FAT3: variants seen among roughly 807,000 people sequenced by gnomAD.
FAT3 encodes FAT atypical cadherin 3, also known as protocadherin Fat 3.
A neutral mutation model predicts 310.2 loss-of-function variants in FAT3; 95 were observed. The ratio of observed to expected loss-of-function variants is 0.31; its 90% confidence interval spans 0.26 to 0.36. The LOEUF is 0.36. Among genes scored for constraint, FAT3 ranks in the 10% least tolerant of loss-of-function variants. The probability of loss-of-function intolerance (pLI) is 1.00; values close to 1 mark genes in which losing one functional copy is unlikely to be tolerated. For missense variants in FAT3, 5,408 were observed against 5,715.6 expected, an observed-to-expected ratio of 0.95 and a Z score of 1.74; for synonymous variants, 2,314 against 2,192.9, an observed-to-expected ratio of 1.06 and a Z score of -1.54.
intron 3 of FAT3, among the ~76,000 whole-genome samples, chr11:92,563,690 C>T (rs972810672): frequency 2.0e-5 from 3 of 151,994 alleles, no homozygotes; most frequent in South Asian, 2.1e-4. Flanking sequence ...GCAGATCTCT[C>T]GGCAGAAACT....
At chr11:92,681,711 T>G (rs2135858991) in intron 3 of FAT3, among the ~76,000 whole-genome samples, 1 of 152,318 alleles carries the variant, frequency 6.6e-6, no homozygotes, top group Non-Finnish European at 1.5e-5. Context: ...TGAATCCCTT[T>G]AGGGTCTCCT....
chr11:92,257,724 C>G (rs1200722881), intron 1 of FAT3, among the ~76,000 whole-genome samples: 1 of 152,062 alleles, frequency 6.6e-6, no homozygotes, highest in Admixed American at 6.6e-5. Flanking sequence ...CTCGATTTGT[C>G]CCTTTTAAGT....
chr11:92,369,473 A>T (rs1949124387), intron 2 of FAT3, among the ~76,000 whole-genome samples: 8 of 152,172 alleles, frequency 5.3e-5, no homozygotes, highest in Admixed American at 5.2e-4. Flanking sequence ...ACATAGACCA[A>T]GTTTGTATGT....
At chr11:92,511,569 A>G (rs1256177727) in intron 2 of FAT3, among the ~76,000 whole-genome samples, 1 of 152,160 alleles carries the variant, frequency 6.6e-6, no homozygotes, top group East Asian at 1.9e-4. Flanking sequence ...GTTTCTTACT[A>G]GTGGGGAGCT....
chr11:92,819,724 A>G (rs1028985316), intron 13 of FAT3, among the ~76,000 whole-genome samples: 6 of 152,240 alleles, frequency 3.9e-5, no homozygotes, highest in Non-Finnish European at 8.8e-5. Flanking sequence ...CAGTAGGTCT[A>G]ATAACTCCCA....
At position 92,353,997 on chromosome 11, in the gene FAT3, G is replaced by A. The variant is rs1266486504; in HGVS notation, c.1885G>A (p.Asp629Asn). ...NELGFFYLNP[D>N]SGVLQLKKSL... ...ACTTGGCTTCTTTTATTTAAACCCA[G>A]ATTCTGGTGTTTTACAGCTTAAAAA... is the stretch of plus-strand genomic sequence containing the variant. The change falls in exon 2 of 28, where the codon GAT becomes AAT. Residue 629 changes from aspartate to asparagine, a missense_variant. Transcript: ENST00000525166. 13 of 1,612,938 alleles carry A rather than the reference G, an allele frequency of 8.1e-6. No individual in the cohort carries two copies. The highest frequency in any genetic ancestry group is 3.3e-5 in the Admixed American group (2 of 59,744).
intron 14 of FAT3, 144 bp downstream of exon 14, chr11:92,832,155 A>T: frequency 1.1e-6 from 1 of 945,062 alleles, no homozygotes; most frequent in Non-Finnish European, 1.5e-6. Context: ...ACAGAGTGAG[A>T]CCCTGTCTCT....
At chr11:92,303,769 A>G (rs765677478) in intron 1 of FAT3, among the ~76,000 whole-genome samples, 43 of 152,252 alleles carry the variant, frequency 2.8e-4, no homozygotes, top group Non-Finnish European at 4.4e-4. Flanking sequence ...CAATGGTGTT[A>G]TAAAAGAGGT....
At chr11:92,628,726 A>G (rs1340169480) in intron 3 of FAT3, among the ~76,000 whole-genome samples, 7 of 152,216 alleles carry the variant, frequency 4.6e-5, no homozygotes, top group African/African-American at 7.2e-5. Flanking sequence ...CTTTTTGCTT[A>G]TCCTTCCCAT....
rs544287400 is a variant in FAT3, at chr11:92,835,010, C to T, written c.10012C>T (p.Pro3338Ser). ...CAACCTCACAGATGTTAATGACAAC[C>T]CTCCCAAGTTCAGCCAAGACGTCTA... ...NINLTDVNDN[P>S]PKFSQDVYSA... The change falls in exon 15 of 28, where the codon CCT (proline) becomes TCT (serine). Residue 3338 changes from proline to serine, a missense_variant. Transcript: ENST00000525166. 4 of 1,613,716 alleles carry T rather than the reference C, an allele frequency of 2.5e-6. No individual in the cohort carries two copies. The highest frequency in any genetic ancestry group is 1.7e-5 in the Admixed American group (1 of 59,998).
At chr11:92,815,764 C>G (rs922837841) in intron 13 of FAT3, among the ~76,000 whole-genome samples, 1 of 152,082 alleles carries the variant, frequency 6.6e-6, no homozygotes, top group Non-Finnish European at 1.5e-5. Flanking sequence ...AACAGTACCA[C>G]CTGGCATGGA....
chr11:92,364,761 C>T (rs544543407), intron 2 of FAT3, among the ~76,000 whole-genome samples: 1 of 152,266 alleles, frequency 6.6e-6, no homozygotes, highest in African/African-American at 2.4e-5. Flanking sequence ...TAATAGGACT[C>T]TCAAAATTTT....
At chr11:92,865,769 G>A (rs1197775568) in intron 21 of FAT3, among the ~76,000 whole-genome samples, 4 of 152,218 alleles carry the variant, frequency 2.6e-5, no homozygotes, top group Admixed American at 6.5e-5. Flanking sequence ...GCTCCATGGA[G>A]GGCCAATCCC....
chr11:92,822,264 G>A (rs972848699), intron 13 of FAT3, among the ~76,000 whole-genome samples: 3 of 151,550 alleles, frequency 2.0e-5, no homozygotes, highest in Non-Finnish European at 4.4e-5. Flanking sequence ...TGGTTCTTTC[G>A]CAGAAGCTCC....
chr11:92,843,146 T>C (rs1244261489), intron 18 of FAT3, among the ~76,000 whole-genome samples: 1 of 152,216 alleles, frequency 6.6e-6, no homozygotes, highest in Admixed American at 6.5e-5. Context: ...GTCTGTGTGA[T>C]GCCCAGGCAC....
chr11:92,887,242 C>T (rs1016474343), intron 25 of FAT3, 129 bp downstream of exon 25: 3 of 759,892 alleles, frequency 3.9e-6, no homozygotes, highest in Non-Finnish European at 6.4e-6. Context: ...AGCGTGTTCA[C>T]CAGGTCCCTG....
chr11:92,783,424 G>C (rs1020938114), intron 7 of FAT3, among the ~76,000 whole-genome samples: 1 of 147,586 alleles, frequency 6.8e-6, no homozygotes, highest in African/African-American at 2.5e-5. Context: ...TTAGGAAAAT[G>C]CTGGAACAAC....
At chr11:92,515,991 A>G (rs1248375952) in intron 2 of FAT3, among the ~76,000 whole-genome samples, 1 of 152,154 alleles carries the variant, frequency 6.6e-6, no homozygotes, top group Non-Finnish European at 1.5e-5. Flanking sequence ...TTGAGGCAGT[A>G]ATTAATAGCC....
chr11:92,384,907 G>GTT (rs1298628002), intron 2 of FAT3, among the ~76,000 whole-genome samples: 1 of 152,186 alleles, frequency 6.6e-6, no homozygotes, highest in African/African-American at 2.4e-5. Context: ...CGGAGCTGCT[G>GTT]TTTTTCTAAT....
Sources: gnomAD v4.1 joint callset for allele counts (sites outside exome capture counted in the v4.1 genomes callset) on GRCh38, gnomAD v4.1.1 for gene constraint, MANE v1.5 for transcripts, NCBI Gene and HGNC (gene_info 2026-07-23, HGNC 2026-07-21) for gene names.